Variants in CNTNAP5 observed in about 807,000 individuals in gnomAD.
The protein encoded by CNTNAP5 is contactin-associated protein-like 5.
A neutral mutation model predicts 150.2 loss-of-function variants in CNTNAP5; 72 were observed. That is an observed-to-expected ratio of 0.48 (90% CI 0.40 to 0.58). The LOEUF (loss-of-function observed/expected upper bound fraction) is 0.58, where lower values mean the gene tolerates loss of function less well. CNTNAP5 is among the 20% of genes least tolerant of loss of function. The pLI, the probability that CNTNAP5 is intolerant of heterozygous loss-of-function variation, is 0.00. For synonymous variants in CNTNAP5, 672 were observed against 619.8 expected, an observed-to-expected ratio of 1.08 and a Z score of -1.25; for missense variants, 1,636 against 1,626.2, an observed-to-expected ratio of 1.01 and a Z score of -0.10.
At chr2:124,533,913 C>T (rs1695172706) in intron 10 of CNTNAP5, among the ~76,000 whole-genome samples, 1 of 152,146 alleles carries the variant, frequency 6.6e-6, no homozygotes, top group Non-Finnish European at 1.5e-5. Context: ...TTGATCTTTC[C>T]TTCTAAAATA....
intron 6 of CNTNAP5, among the ~76,000 whole-genome samples, chr2:124,452,606 A>G (rs998275411): frequency 2.0e-5 from 3 of 152,150 alleles, no homozygotes; most frequent in Admixed American, 1.3e-4. Flanking sequence ...TAGTGCATTA[A>G]TCAAACAAAG....
intron 10 of CNTNAP5, among the ~76,000 whole-genome samples, chr2:124,558,831 G>A (rs1258155019): frequency 3.9e-5 from 6 of 152,102 alleles, no homozygotes; most frequent in Non-Finnish European, 5.9e-5. Context: ...TCTTAAGGCT[G>A]ACCTAGAGAG....
chr2:124,532,639 T>G (rs1287621260), intron 10 of CNTNAP5, among the ~76,000 whole-genome samples: 2 of 152,150 alleles, frequency 1.3e-5, no homozygotes, highest in Non-Finnish European at 2.9e-5. Context: ...AGAATCCCAG[T>G]GCAAGTGGCA....
intron 17 of CNTNAP5, among the ~76,000 whole-genome samples, chr2:124,786,340 A>AAAGAAAGGAAGGAAGG (rs1558774915): frequency 7.7e-5 from 9 of 116,954 alleles, no homozygotes; most frequent in Middle Eastern, 4.2e-3. Context: ...AAAGAGAAAG[A>AAAGAAAGGAAGGAAGG]AAGAAAGAAA....
intron 14 of CNTNAP5, among the ~76,000 whole-genome samples, chr2:124,748,836 G>C (rs1680661986): frequency 6.6e-6 from 1 of 152,130 alleles, no homozygotes; most frequent in Admixed American, 6.5e-5. Flanking sequence ...CGAAGTTATA[G>C]GGTAATGAAT....
At chr2:124,718,619 T>G (rs1362078700) in intron 13 of CNTNAP5, among the ~76,000 whole-genome samples, 2 of 152,182 alleles carry the variant, frequency 1.3e-5, no homozygotes, top group Admixed American at 6.5e-5. Flanking sequence ...CTGTTTCTCT[T>G]AGGTGTGATG....
At chr2:124,628,883 C>T (rs184728722) in intron 12 of CNTNAP5, among the ~76,000 whole-genome samples, 13 of 151,984 alleles carry the variant, frequency 8.6e-5, no homozygotes, top group East Asian at 1.9e-4. Context: ...ATCAAGCAAA[C>T]GGAAAGCAGA....
At chr2:124,291,692 C>T (rs537492543) in intron 3 of CNTNAP5, among the ~76,000 whole-genome samples, 1 of 152,076 alleles carries the variant, frequency 6.6e-6, no homozygotes, top group South Asian at 2.1e-4. Context: ...TTTTGTATGC[C>T]TTGAAATGGC....
At chr2:124,700,877 T>C (rs1185953739) in intron 13 of CNTNAP5, among the ~76,000 whole-genome samples, 3 of 152,114 alleles carry the variant, frequency 2.0e-5, no homozygotes, top group Non-Finnish European at 4.4e-5. Context: ...ATTGCGTTTT[T>C]TGCCACTATT....
chr2:124,473,214 C>T (rs1199588231), intron 6 of CNTNAP5, among the ~76,000 whole-genome samples: 2 of 151,638 alleles, frequency 1.3e-5, no homozygotes, highest in Non-Finnish European at 2.9e-5. Context: ...AGTTGGAGGA[C>T]TTTATTAGAA....
chr2:124,651,592 C>A (rs1422662928), intron 13 of CNTNAP5, among the ~76,000 whole-genome samples: 2 of 152,162 alleles, frequency 1.3e-5, no homozygotes, highest in Non-Finnish European at 2.9e-5. Context: ...ACTCTTGCAA[C>A]CAAAATCTCC....
chr2:124,327,085 A>C (rs1341373373), intron 3 of CNTNAP5, among the ~76,000 whole-genome samples: 1 of 144,988 alleles, frequency 6.9e-6, no homozygotes, highest in Non-Finnish European at 1.5e-5. Flanking sequence ...GGTTCAAGCG[A>C]TTCTCCTGCC....
chr2:124,534,896 T>A (rs1456347453), intron 10 of CNTNAP5, among the ~76,000 whole-genome samples: 1 of 152,122 alleles, frequency 6.6e-6, no homozygotes, highest in Non-Finnish European at 1.5e-5. Context: ...TAAGAATGCC[T>A]AATCTCTTGG....
At chr2:124,704,995 C>T (rs34259038) in intron 13 of CNTNAP5, among the ~76,000 whole-genome samples, 24,698 of 152,070 alleles carry the variant, frequency 0.16, 2,269 homozygotes, top group East Asian at 0.24. Flanking sequence ...TTCCTTTCCC[C>T]ATGCCCAATC....
In CNTNAP5 at chr2:124,182,414, TA is replaced by T. The variant is rs1194671657; in HGVS notation, c.83-39290del. On this transcript the variant is annotated intron_variant, in intron 1 of 23. Transcript: ENST00000682447. Reference sequence around the variant, plus strand: ...AACAAGGGATTGATTGTCCCAATTTTACGGATGACAAAACTGAGACTCAGGA... The same window carrying T: ...AACAAGGGATTGATTGTCCCAATTTTCGGATGACAAAACTGAGACTCAGGA... Among the ~76,000 whole-genome samples the T allele has an allele frequency of 4.6e-3, 695 of 152,284 alleles. 5 individuals are homozygous for T. Among genetic ancestry groups the T allele is most frequent in the Middle Eastern group, 0.01 (3 of 294 alleles).
At chr2:124,490,331 A>G (rs1446880351) in intron 7 of CNTNAP5, among the ~76,000 whole-genome samples, 1 of 136,838 alleles carries the variant, frequency 7.3e-6, no homozygotes. Context: ...ATTGTTGTCC[A>G]TTTCAGAAAA....
intron 1 of CNTNAP5, among the ~76,000 whole-genome samples, chr2:124,098,252 T>G (rs1248935584): frequency 1.3e-5 from 2 of 152,094 alleles, no homozygotes; most frequent in African/African-American, 4.8e-5. Context: ...CAACATATAT[T>G]TATTATTTAT....
At chr2:124,635,349 C>T (rs1340618194) in intron 12 of CNTNAP5, among the ~76,000 whole-genome samples, 1 of 152,108 alleles carries the variant, frequency 6.6e-6, no homozygotes, top group East Asian at 1.9e-4. Flanking sequence ...TAGAAATTGC[C>T]ACCATGTTCC....
At chr2:124,799,542 C>T (rs1466119233) in intron 19 of CNTNAP5, among the ~76,000 whole-genome samples, 1 of 152,224 alleles carries the variant, frequency 6.6e-6, no homozygotes, top group Non-Finnish European at 1.5e-5. Flanking sequence ...CAAGCCATGC[C>T]ACTGAGTTTC....
Sources: gnomAD v4.1 joint callset for allele counts (sites outside exome capture counted in the v4.1 genomes callset) on GRCh38, gnomAD v4.1.1 for gene constraint, MANE v1.5 for transcripts, NCBI Gene and HGNC (gene_info 2026-07-23, HGNC 2026-07-21) for gene names.